KCTD9: variants seen among roughly 807,000 people sequenced by gnomAD.
The protein encoded by KCTD9 is potassium channel tetramerization domain containing 9, also known as BTB/POZ domain-containing protein KCTD9.
In KCTD9, 17 loss-of-function variants were observed where a neutral mutation model predicts 53.3. The ratio of observed to expected loss-of-function variants is 0.32; its 90% CI spans 0.22 to 0.48. KCTD9 has a LOEUF of 0.48. KCTD9 is among the 20% of genes least tolerant of loss of function. The pLI, the probability that KCTD9 is intolerant of heterozygous loss-of-function variation, is 0.99. For missense variants in KCTD9, 179 were observed against 465.5 expected, an observed-to-expected ratio of 0.38 and a Z score of 5.66; for synonymous variants, 128 against 162.7, an observed-to-expected ratio of 0.79 and a Z score of 1.62.
At chr8:25,430,388 C>T (rs1301784470) in intron 11 of KCTD9, among the ~76,000 whole-genome samples, 1 of 152,134 alleles carries the variant, frequency 6.6e-6, no homozygotes, top group Non-Finnish European at 1.5e-5. Context: ...GCTCAAGTTA[C>T]AGCCTGAGCT....
chr8:25,429,687 A>T lies in KCTD9; in HGVS notation c.*170T>A, dbSNP rs534318710. On this transcript the variant is annotated 3_prime_UTR_variant, in exon 12 of 12. Transcript: ENST00000221200. ...GTTAAAAATCAGAATATGGAAAAAA[A>T]GTCAGTTTTTTCCCTTATGCACCAC... The T allele has an allele frequency of 7.6e-3, 4,148 of 544,158 alleles. 23 individuals carry two copies. Among genetic ancestry groups the T allele is most frequent in the Non-Finnish European group, 0.011 (3,282 of 293,406 alleles). 33.7% of individuals were successfully genotyped at this position (544,158 alleles called of 1,614,324 possible). A position where few individuals can be genotyped will look rare whatever the true frequency, so the allele number is the denominator to read the frequency against.
intron 10 of KCTD9, 65 bp from the exon 11 acceptor site, chr8:25,432,702 T>G (rs1230146369): frequency 2.8e-6 from 4 of 1,442,110 alleles, no homozygotes; most frequent in Non-Finnish European, 3.8e-6. Context: ...TCAACAGAAC[T>G]GCAAGATGAC....
intron 9 of KCTD9, among the ~76,000 whole-genome samples, chr8:25,434,441 C>CT (rs11309645): frequency 0.01 from 1,493 of 149,156 alleles, 30 homozygotes; most frequent in African/African-American, 0.034. Flanking sequence ...TGACAAACAT[C>CT]TTTTTTTTTT....
intron 1 of KCTD9, among the ~76,000 whole-genome samples, chr8:25,453,056 TGATTTTTTAAAA>T (rs1802358990): frequency 6.6e-6 from 1 of 152,164 alleles, no homozygotes; most frequent in Admixed American, 6.5e-5. Context: ...GTCCCGAAGC[TGATTTTTTAAAA>T]ATGTAACTTA....
chr8:25,455,198 C>A (rs75450002), intron 1 of KCTD9, among the ~76,000 whole-genome samples: 1 of 151,884 alleles, frequency 6.6e-6, no homozygotes, highest in Non-Finnish European at 1.5e-5. Flanking sequence ...TCACTCCAGC[C>A]TGGGTGGAAG....
At chr8:25,453,450 T>TC (rs1802371367) in intron 1 of KCTD9, among the ~76,000 whole-genome samples, 1 of 151,440 alleles carries the variant, frequency 6.6e-6, no homozygotes, top group Non-Finnish European at 1.5e-5. Flanking sequence ...AGTCAGGAGT[T>TC]TGAGACCAGC....
At chr8:25,436,202 T>C (rs370899534) in intron 8 of KCTD9, 33 bp downstream of exon 8, 6 of 1,254,622 alleles carry the variant, frequency 4.8e-6, no homozygotes, top group South Asian at 2.4e-5. Context: ...GATTTGCTGA[T>C]AGAAATAATT....
intron 2 of KCTD9, 134 bp from the exon 3 acceptor site, chr8:25,444,469 A>G (rs1434797584): frequency 5.4e-6 from 4 of 741,706 alleles, no homozygotes; most frequent in Non-Finnish European, 8.6e-6. Context: ...CAAAGAAGCT[A>G]AGTTTCCAAT....
At chr8:25,444,361 T>C (rs373189802) in intron 2 of KCTD9, 26 bp from the exon 3 acceptor site, 3 of 1,599,316 alleles carry the variant, frequency 1.9e-6, no homozygotes, top group Non-Finnish European at 1.7e-6. Context: ...TTTAAAAAGC[T>C]ACCATCAAAA....
At chr8:25,433,665 A>T (rs962668141) in intron 9 of KCTD9, among the ~76,000 whole-genome samples, 2 of 152,240 alleles carry the variant, frequency 1.3e-5, no homozygotes, top group Non-Finnish European at 2.9e-5. Context: ...AATAAATGCA[A>T]ATTAACAATA....
chr8:25,448,568 G>A (rs1802258556), intron 1 of KCTD9, among the ~76,000 whole-genome samples: 1 of 152,124 alleles, frequency 6.6e-6, no homozygotes, highest in Non-Finnish European at 1.5e-5. Flanking sequence ...AAAAAATACT[G>A]CAAAGCACTT....
chr8:25,438,289 A>G (rs144158585), intron 6 of KCTD9, among the ~76,000 whole-genome samples: 126 of 149,532 alleles, frequency 8.4e-4, no homozygotes, highest in African/African-American at 3.0e-3. Context: ...ACTAGCTAAA[A>G]GGGTCAAATA....
chr8:25,437,498 G>A (rs548111767), intron 6 of KCTD9, among the ~76,000 whole-genome samples: 3 of 151,974 alleles, frequency 2.0e-5, no homozygotes, highest in Non-Finnish European at 4.4e-5. Context: ...AACACATGGT[G>A]AAACCCTGTC....
intron 6 of KCTD9, among the ~76,000 whole-genome samples, chr8:25,437,692 A>G (rs13273930): frequency 6.6e-6 from 1 of 151,308 alleles, no homozygotes; most frequent in Admixed American, 6.6e-5. Context: ...CAAAAAAAAT[A>G]CAAATATTAG....
intron 1 of KCTD9, among the ~76,000 whole-genome samples, chr8:25,447,140 T>C (rs1802227973): frequency 6.6e-6 from 1 of 152,178 alleles, no homozygotes; most frequent in Non-Finnish European, 1.5e-5. Context: ...ATGCCTGTAA[T>C]CCCAGCACTT....
intron 7 of KCTD9, 40 bp downstream of exon 7, chr8:25,436,378 A>G (rs539182241): frequency 1.9e-6 from 3 of 1,594,698 alleles, no homozygotes; most frequent in African/African-American, 2.7e-5. Flanking sequence ...GGAGATAGCT[A>G]CAATGAATGT....
chr8:25,432,687 T>C (rs1236177102), intron 10 of KCTD9, 50 bp from the exon 11 acceptor site: 2 of 1,526,836 alleles, frequency 1.3e-6, no homozygotes, highest in African/African-American at 1.4e-5. Context: ...TATAGTTATC[T>C]ACCTTCAACA....
rs187510291 is a variant in KCTD9, at chr8:25,456,819, T to C, written c.48+1380A>G. Among the ~76,000 whole-genome samples, 17 of 152,302 alleles carry C rather than the reference T, an allele frequency of 1.1e-4. No individual in the cohort carries two copies. In the East Asian group the frequency reaches 2.5e-3, roughly 22 times the overall value. ...ATATTTATGACTAGGTTTAAATATT[T>C]GTCTTCCATGAGTAACATAGCAGAG... is the stretch of plus-strand genomic sequence containing the variant. On this transcript the variant is annotated intron_variant, in intron 1 of 11. Transcript: ENST00000221200.
At chr8:25,437,682 CAA>C (rs1312106548) in intron 6 of KCTD9, among the ~76,000 whole-genome samples, 1 of 148,006 alleles carries the variant, frequency 6.8e-6, no homozygotes, top group East Asian at 2.0e-4. Context: ...CATCTCAAAA[CAA>C]AAAAAATACA....
Sources: gnomAD v4.1 joint callset for allele counts (sites outside exome capture counted in the v4.1 genomes callset) on GRCh38, gnomAD v4.1.1 for gene constraint, MANE v1.5 for transcripts, NCBI Gene and HGNC (gene_info 2026-07-23, HGNC 2026-07-21) for gene names.